Variants in DENND3 observed in about 807,000 individuals in gnomAD.
DENND3 encodes the protein DENN domain-containing protein 3.
Under a neutral mutation model 135.1 loss-of-function variants are expected in DENND3, and 88 were observed. The observed-to-expected ratio is 0.65, with a 90% CI of 0.55 to 0.78. DENND3 has a LOEUF of 0.78. DENND3 is among the 30% of genes least tolerant of loss of function. The pLI is 0.00. For missense variants in DENND3, 1,392 were observed against 1,688.4 expected (o/e 0.82, Z 3.08); for synonymous variants, 693 against 712.3 (o/e 0.97, Z 0.43).
intron 18 of DENND3, among the ~76,000 whole-genome samples, chr8:141,187,829 A>G (rs1824100994): frequency 6.6e-6 from 1 of 152,214 alleles, no homozygotes; most frequent in Non-Finnish European, 1.5e-5. Flanking sequence ...CCAAACAACA[A>G]AAAAAGGAAA....
chr8:141,128,626 C>A lies in DENND3; in HGVS notation c.-82C>A, dbSNP rs1293754694. 7 of 863,198 alleles carry A rather than the reference C, an allele frequency of 8.1e-6. No homozygotes were observed. Among genetic ancestry groups the A allele is most frequent in the Non-Finnish European group, 1.0e-5 (7 of 672,280 alleles). The allele number at this position is 863,198 out of a possible 1,614,324, so 53.5% of individuals were successfully genotyped here. A position where few individuals can be genotyped will look rare whatever the true frequency, so the allele number is the denominator to read the frequency against. ...CGCAGCGCCCCCGGCCCCCAGGCGG[C>A]GCGGCTGGTCCCCAGGGGTCTGCGG... On this transcript the variant is annotated 5_prime_UTR_variant, in exon 1 of 23. Transcript: ENST00000519811. The surrounding 1 kb of genome is among the most constrained non-coding windows in gnomAD (Gnocchi z 4.5).
rs767488832 is a variant in DENND3, at chr8:141,151,755, C to T, written c.992C>T (p.Ser331Leu). Residue 331 changes from serine to leucine, a missense_variant, in exon 7 of 23, where the codon TCG becomes TTG. Physicochemically the swap from Ser to Leu is moderately radical, Grantham distance 145. Coordinates refer to ENST00000519811, the MANE Select transcript of DENND3 (RefSeq NM_001352890.3). ...QWQHPFVPIL[S>L]DQMLDFVMAP... ...CAGCACCCCTTCGTGCCCATCCTGT[C>T]GGACCAGATGCTGGATTTCGTCATG... 4.3e-6 allele frequency: 7 copies of T among 1,614,214 alleles called. No homozygotes were observed. Among genetic ancestry groups the T allele is most frequent in the South Asian group, 1.1e-5 (1 of 91,080 alleles).
At position 141,167,951 on chromosome 8, in the gene DENND3, G is replaced by A. The variant is rs1191500266; in HGVS notation, c.1754-53G>A. 28 of 1,551,990 alleles carry A rather than the reference G, an allele frequency of 1.8e-5. No homozygotes were observed. Among genetic ancestry groups the A allele is most frequent in the Non-Finnish European group, 8.7e-7 (1 of 1,147,160 alleles). ...ACAAGATGATGTGACAGGGACACGT[G>A]TTCATTTGGAAGGTCTGTGCTAATG... On this transcript the variant is annotated intron_variant, in intron 12 of 22. Coordinates refer to ENST00000519811, the MANE Select transcript of DENND3 (RefSeq NM_001352890.3). This position sits in a 1 kb window ranked among gnomAD's most constrained non-coding sequence, Gnocchi z 4.1.
Position 141,189,355 on chromosome 8 carries a change from G to A in DENND3, c.3245+209G>A, listed in dbSNP as rs189766013. ...CCCATGACACCAGTGTGGGCCAAGC[G>A]TGGTGATGAAGGCACCACACCCGGC... On this transcript the variant is annotated intron_variant, in intron 19 of 22. Transcript: ENST00000519811. 1.3e-3 allele frequency among the ~76,000 whole-genome samples: 204 copies of A among 152,374 alleles called. 5 individuals carry two copies. Among genetic ancestry groups the A allele is most frequent in the Admixed American group, 0.013 (197 of 15,302 alleles).
rs939003855 is a variant in DENND3 at position 141,141,139 on chromosome 8, T to G, written c.502-64T>G. On this transcript the variant is annotated intron_variant, in intron 3 of 22. Transcript: ENST00000519811. The surrounding 1 kb of genome is among the most constrained non-coding windows in gnomAD (Gnocchi z 5.3). The stretch of plus-strand genomic sequence containing the variant: ...GCTGTGTGCTGAAACGTGACCCAGT[T>G]GGAAACAGATACTGGAATTGCCAAG... The G allele has an allele frequency of 5.7e-5, 92 of 1,611,668 alleles. No homozygotes were observed. Among genetic ancestry groups the G allele is most frequent in the Non-Finnish European group, 7.3e-5 (86 of 1,178,856 alleles).
At position 141,182,131 on chromosome 8, in the gene DENND3, CA is replaced by C. The variant is rs2154613417; in HGVS notation, c.2944+1278del. On this transcript the variant is annotated intron_variant, in intron 17 of 22. Transcript: ENST00000519811. This position sits in a 1 kb window ranked among gnomAD's most constrained non-coding sequence, Gnocchi z 5.9. ...TTTAAAATTGTCACTTTGTTTGTTGCATCTGCGTCTGCAGGTGTCAGCCGTA... is the reference window on the plus strand; with the variant it reads ...TTTAAAATTGTCACTTTGTTTGTTGCTCTGCGTCTGCAGGTGTCAGCCGTA... 6.6e-6 allele frequency among the ~76,000 whole-genome samples: 1 copy of C among 152,154 alleles called. No individual in the cohort carries two copies. Among genetic ancestry groups the C allele is most frequent in the South Asian group, 2.1e-4 (1 of 4,824 alleles).
chr8:141,148,275 G>A (rs983467189), intron 5 of DENND3, among the ~76,000 whole-genome samples: 2 of 152,164 alleles, frequency 1.3e-5, no homozygotes, highest in Non-Finnish European at 2.9e-5. Flanking sequence ...CCATGGCACA[G>A]GGGGTAGAGG....
In DENND3 at chr8:141,158,329, C is replaced by T. The variant is rs1171526022; in HGVS notation, c.1197-2303C>T. ...TCCTTGACTTTTAGAGCGTGACATTCTGTAATAGAACTGAGCTTTGTGAGA... is the reference window on the plus strand; with the variant it reads ...TCCTTGACTTTTAGAGCGTGACATTTTGTAATAGAACTGAGCTTTGTGAGA... On this transcript the variant is annotated intron_variant, in intron 8 of 22. Transcript: ENST00000519811. 1.7e-5 allele frequency: 22 copies of T among 1,264,760 alleles called. No homozygotes were observed. The East Asian group carries it at 1.3e-3, about 72-fold the overall frequency. The allele number at this position is 1,264,760 out of a possible 1,614,324, so 78.3% of individuals were successfully genotyped here. A position where few individuals can be genotyped will look rare whatever the true frequency, so the allele number is the denominator to read the frequency against.
At chr8:141,191,462 C>CTGTT (rs1179852827) in intron 20 of DENND3, 3 of 152,282 alleles carry the variant, frequency 2.0e-5, no homozygotes, top group African/African-American at 7.2e-5. Flanking sequence ...CTCTGCTTAA[C>CTGTT]TGTTTGAAAA....
At chr8:141,132,502 C>T (rs1418121531) in intron 1 of DENND3, among the ~76,000 whole-genome samples, 1 of 152,040 alleles carries the variant, frequency 6.6e-6, no homozygotes, top group Non-Finnish European at 1.5e-5. Context: ...GGATTACAGG[C>T]ATGTACGACT....
chr8:141,194,007 T>G (rs1825108296), intron 22 of DENND3, 26 bp from the exon 23 acceptor site: 2 of 1,609,204 alleles, frequency 1.2e-6, no homozygotes, highest in Non-Finnish European at 1.7e-6. Context: ...CTTTCCCTGC[T>G]GACCCCTCCC....
intron 8 of DENND3, among the ~76,000 whole-genome samples, chr8:141,156,597 A>T (rs1819465440): frequency 6.6e-6 from 1 of 151,704 alleles, no homozygotes; most frequent in Admixed American, 6.6e-5. Flanking sequence ...CATTCACTAG[A>T]TGTGTATTGC....
intron 16 of DENND3, among the ~76,000 whole-genome samples, chr8:141,179,143 C>T (rs901679719): frequency 1.3e-5 from 2 of 152,240 alleles, no homozygotes; most frequent in African/African-American, 4.8e-5. Context: ...AGGACCTCTG[C>T]CACTTTCTGG....
intron 14 of DENND3, 73 bp from the exon 15 acceptor site, chr8:141,176,518 C>A: frequency 6.3e-7 from 1 of 1,577,364 alleles, no homozygotes; most frequent in Non-Finnish European, 8.7e-7. Context: ...AGAGCCCGCT[C>A]TGCCTCTGTC....
At chr8:141,131,730 G>C (rs1429713585) in intron 1 of DENND3, among the ~76,000 whole-genome samples, 3 of 152,244 alleles carry the variant, frequency 2.0e-5, no homozygotes, top group Non-Finnish European at 4.4e-5. Flanking sequence ...AAGTAAATTA[G>C]AGTGTTCTGG....
intron 5 of DENND3, among the ~76,000 whole-genome samples, chr8:141,145,833 A>G (rs1286467983): frequency 2.1e-3 from 66 of 32,054 alleles, no homozygotes; most frequent in African/African-American, 0.011. Flanking sequence ...ATATATATAT[A>G]TATATATATA....
chr8:141,194,364 ACCGTGTGGCCAG>A lies in DENND3; in HGVS notation c.*135_*146del, dbSNP rs1825137286. On this transcript the variant is annotated 3_prime_UTR_variant, in exon 23 of 23. Coordinates refer to ENST00000519811, the MANE Select transcript of DENND3 (RefSeq NM_001352890.3). ...CCCAGGCTCAGCATGGAGCCCACTT[ACCGTGTGGCCAG>A]CCGCGAGACCCATGGCCACGCACCT... is the stretch of plus-strand genomic sequence containing the variant. The A allele has an allele frequency of 8.8e-7, 1 of 1,140,458 alleles. No homozygotes were observed. The highest frequency in any genetic ancestry group is 1.5e-5 in the African/African-American group (1 of 64,818). The allele number at this position is 1,140,458 out of a possible 1,614,324, so 70.6% of individuals were successfully genotyped here.
At chr8:141,140,072 C>T (rs957938712) in intron 3 of DENND3, among the ~76,000 whole-genome samples, 9 of 152,036 alleles carry the variant, frequency 5.9e-5, no homozygotes, top group African/African-American at 1.2e-4. Context: ...CCACCATGCC[C>T]GGCTAATTTT....
intron 1 of DENND3, among the ~76,000 whole-genome samples, chr8:141,131,887 C>T (rs1163433939): frequency 2.0e-5 from 3 of 151,472 alleles, no homozygotes; most frequent in Non-Finnish European, 2.9e-5. Flanking sequence ...TCGGTGGTGG[C>T]GGGGTCTGGT....
Sources: gnomAD v4.1 joint callset for allele counts (sites outside exome capture counted in the v4.1 genomes callset) on GRCh38, gnomAD v4.1.1 for gene constraint, Gnocchi (gnomAD v3.1) non-coding constraint, MANE v1.5 for transcripts, NCBI Gene and HGNC (gene_info 2026-07-23, HGNC 2026-07-21) for gene names.